The following PRKX variants were observed in gnomAD, a reference collection of about 807,000 sequenced individuals.
PRKX encodes the protein protein kinase cAMP-dependent X-linked catalytic subunit, also known as cAMP-dependent protein kinase catalytic subunit PRKX.
In PRKX, 12 loss-of-function variants were observed where a neutral mutation model predicts 22.0. The observed-to-expected ratio is 0.54, with a 90% CI of 0.35 to 0.88. The LOEUF (loss-of-function observed/expected upper bound fraction) is 0.88. Ranked by LOEUF, PRKX falls within the 40% of genes least tolerant of loss-of-function variation. PRKX has a pLI of 0.01. For synonymous variants in PRKX, 134 were observed against 137.7 expected, an observed-to-expected ratio of 0.97 and a Z score of 0.19; for missense variants, 217 against 308.0, an observed-to-expected ratio of 0.70 and a Z score of 2.21.
chrX:3,613,881 G>A (rs28615982), intron 7 of PRKX, among the ~76,000 whole-genome samples: 4,585 of 58,091 alleles, frequency 0.079, 121 homozygotes, highest in East Asian at 0.21. Context: ...AAAAAAAAAA[G>A]AAGCGTATCA....
chrX:3,662,088 C>T (rs778924000), intron 2 of PRKX, among the ~76,000 whole-genome samples: 2 of 111,634 alleles, frequency 1.8e-5, no homozygotes, highest in Non-Finnish European at 3.8e-5. Flanking sequence ...GTATCAGGAA[C>T]GGCAGATCTT....
At chrX:3,704,460 T>C (rs778559342) in intron 1 of PRKX, among the ~76,000 whole-genome samples, 11 of 109,456 alleles carry the variant, frequency 1.0e-4, no homozygotes, top group Non-Finnish European at 1.9e-4. Flanking sequence ...AGGCCAAGAG[T>C]TCAAGACCAG....
intron 2 of PRKX, among the ~76,000 whole-genome samples, chrX:3,657,871 A>G (rs1303940256): frequency 5.4e-5 from 6 of 112,060 alleles, no homozygotes; most frequent in African/African-American, 1.9e-4. Flanking sequence ...TGCATTCAAC[A>G]TCTCAGCACA....
chrX:3,612,562 G>C (rs58826355), intron 7 of PRKX, among the ~76,000 whole-genome samples: 1,642 of 111,282 alleles, frequency 0.015, 30 homozygotes, highest in African/African-American at 0.051. Flanking sequence ...TGAGGCGGGA[G>C]GGTTGCTTGA....
In PRKX at chrX:3,605,470, G is replaced by A. The variant is rs1184390095; in HGVS notation, c.*3499C>T. The A allele has an allele frequency of 1.8e-5, 2 of 112,582 alleles. No individual in the cohort carries two copies. The highest frequency in any genetic ancestry group is 6.5e-5 in the African/African-American group (2 of 30,931). The allele number at this position is 112,582 out of a possible 1,213,427, so 9.3% of individuals were successfully genotyped here. ...CTGAGGTGCACCTGGCTACAGAGTG[G>A]AGCCTTGGGGTCTTTAACAGTATTA... is the stretch of plus-strand genomic sequence containing the variant. On this transcript the variant is annotated 3_prime_UTR_variant, in exon 9 of 9. Coordinates refer to ENST00000262848, the MANE Select transcript of PRKX (RefSeq NM_005044.5).
intron 1 of PRKX, among the ~76,000 whole-genome samples, chrX:3,689,670 ACT>A (rs769114824): frequency 5.4e-5 from 6 of 111,676 alleles, no homozygotes; most frequent in Non-Finnish European, 9.4e-5. Context: ...AGAGAGCAAG[ACT>A]CTGTCTCAAA....
intron 1 of PRKX, among the ~76,000 whole-genome samples, chrX:3,698,248 G>A (rs1224323232): frequency 8.9e-6 from 1 of 111,802 alleles, no homozygotes; most frequent in Admixed American, 9.5e-5. Flanking sequence ...CGTATATGCT[G>A]GCATACCACA....
chrX:3,689,709 G>A (rs956587438), intron 1 of PRKX, among the ~76,000 whole-genome samples: 2 of 111,582 alleles, frequency 1.8e-5, no homozygotes, highest in Non-Finnish European at 3.8e-5. Flanking sequence ...TGGGCGCGGT[G>A]GCTCACACCT....
At chrX:3,673,199 G>A (rs748449849) in intron 2 of PRKX, among the ~76,000 whole-genome samples, 1 of 110,994 alleles carries the variant, frequency 9.0e-6, no homozygotes, top group East Asian at 2.9e-4. Flanking sequence ...AGGGAAAACA[G>A]GTAGGTGTTT....
chrX:3,701,625 G>T (rs937863910), intron 1 of PRKX, among the ~76,000 whole-genome samples: 5 of 112,356 alleles, frequency 4.5e-5, no homozygotes, highest in South Asian at 3.7e-4. Context: ...GAGGAGCTGG[G>T]TAAAATGAAG....
chrX:3,609,783 CATAA>C (rs1926256947), intron 8 of PRKX, among the ~76,000 whole-genome samples: 3 of 111,866 alleles, frequency 2.7e-5, no homozygotes, highest in Non-Finnish European at 5.6e-5. Context: ...TACGCTTATC[CATAA>C]ATAGATAAAT....
At chrX:3,640,230 G>C (rs1927047771) in intron 4 of PRKX, among the ~76,000 whole-genome samples, 1 of 109,724 alleles carries the variant, frequency 9.1e-6, no homozygotes. Flanking sequence ...TGTCGGCTGT[G>C]GCAAAGCGCG....
chrX:3,691,369 C>A (rs950728833), intron 1 of PRKX, among the ~76,000 whole-genome samples: 9 of 111,237 alleles, frequency 8.1e-5, no homozygotes, highest in African/African-American at 2.9e-4. Flanking sequence ...CACAGATAAG[C>A]CTCTCTGGGC....
At chrX:3,612,099 C>G in intron 8 of PRKX, 78 bp downstream of exon 8, 1 of 979,822 alleles carries the variant, frequency 1.0e-6, no homozygotes, top group Non-Finnish European at 1.4e-6. Flanking sequence ...TTAAGCCCCA[C>G]TCAGTAAACG....
chrX:3,630,816 C>G (rs1926765742), intron 4 of PRKX, among the ~76,000 whole-genome samples: 1 of 111,541 alleles, frequency 9.0e-6, no homozygotes, highest in African/African-American at 3.3e-5. Flanking sequence ...ATCCAACCAC[C>G]TCTCACCAGG....
intron 3 of PRKX, among the ~76,000 whole-genome samples, chrX:3,645,750 T>C (rs1019450299): frequency 8.1e-5 from 9 of 110,873 alleles, no homozygotes; most frequent in African/African-American, 2.6e-4. Flanking sequence ...CAAGGCAACA[T>C]AGCAAGACCC....
intron 3 of PRKX, among the ~76,000 whole-genome samples, chrX:3,652,666 T>C (rs1927362257): frequency 8.9e-6 from 1 of 112,254 alleles, no homozygotes; most frequent in Non-Finnish European, 1.9e-5. Context: ...CATATCTATA[T>C]ATACTTGTTC....
Position 3,627,963 on chromosome X carries a change from T to C in PRKX, c.720-1449A>G, listed in dbSNP as rs376420624. On this transcript the variant is annotated intron_variant, in intron 4 of 8. Transcript: ENST00000262848. ...CACGCCCATGTTTACCACAGCACCA[T>C]TCACAACAGCCAAGATAGGGAATCA... 4.5e-5 allele frequency among the ~76,000 whole-genome samples: 5 copies of C among 111,080 alleles called. No homozygotes were observed. The Admixed American group carries it at 4.8e-4, about 11-fold the overall frequency.
chrX:3,706,340 A>G (rs1271740482), intron 1 of PRKX, among the ~76,000 whole-genome samples: 1 of 109,469 alleles, frequency 9.1e-6, no homozygotes, highest in Non-Finnish European at 1.9e-5. Flanking sequence ...GCATTCCATC[A>G]CACCCAGCTA....
Sources: gnomAD v4.1 joint callset for allele counts (sites outside exome capture counted in the v4.1 genomes callset) on GRCh38, gnomAD v4.1.1 for gene constraint, MANE v1.5 for transcripts, NCBI Gene and HGNC (gene_info 2026-07-23, HGNC 2026-07-21) for gene names.